Variants in GPC6 observed in about 807,000 individuals in gnomAD.
The protein encoded by GPC6 is glypican-6.
In GPC6, 14 loss-of-function variants were observed where a neutral mutation model predicts 55.2. The ratio of observed to expected loss-of-function variants is 0.25; its 90% CI spans 0.17 to 0.40. The LOEUF is 0.40. GPC6 is among the 10% of genes least tolerant of loss of function. The pLI is 1.00. For synonymous variants in GPC6, 278 were observed against 259.6 expected (o/e 1.07, Z -0.68); for missense variants, 641 against 708.5 (o/e 0.90, Z 1.08).
intron 3 of GPC6, among the ~76,000 whole-genome samples, chr13:93,950,077 T>C (rs1424423011): frequency 1.3e-5 from 2 of 152,128 alleles, no homozygotes; most frequent in African/African-American, 4.8e-5. Context: ...TGTCTGAAAA[T>C]ATTAGAGGTG....
At chr13:93,645,102 G>A (rs1880119078) in intron 2 of GPC6, among the ~76,000 whole-genome samples, 1 of 152,140 alleles carries the variant, frequency 6.6e-6, no homozygotes, top group South Asian at 2.1e-4. Flanking sequence ...TCAGGGAGTG[G>A]AGAAGGGCAT....
At chr13:93,282,634 T>G (rs1215026926) in intron 1 of GPC6, among the ~76,000 whole-genome samples, 2 of 152,220 alleles carry the variant, frequency 1.3e-5, no homozygotes, top group African/African-American at 4.8e-5. Flanking sequence ...ATATTTTAGT[T>G]TTAAAGTTAT....
intron 1 of GPC6, among the ~76,000 whole-genome samples, chr13:93,487,432 G>A (rs1024087370): frequency 6.6e-6 from 1 of 151,980 alleles, no homozygotes; most frequent in Non-Finnish European, 1.5e-5. Flanking sequence ...TTAACATAGC[G>A]CCTGCTAGTA....
intron 1 of GPC6, among the ~76,000 whole-genome samples, chr13:93,443,801 A>G (rs1877894195): frequency 6.6e-6 from 1 of 152,248 alleles, no homozygotes; most frequent in Non-Finnish European, 1.5e-5. Context: ...GGCCTTAATC[A>G]TGATCTAAGG....
At chr13:93,326,565 C>T (rs917248017) in intron 1 of GPC6, among the ~76,000 whole-genome samples, 1 of 152,154 alleles carries the variant, frequency 6.6e-6, no homozygotes, top group Non-Finnish European at 1.5e-5. Flanking sequence ...TGTACATATA[C>T]AAGCACTTAT....
chr13:93,418,199 G>T (rs189114799), intron 1 of GPC6, among the ~76,000 whole-genome samples: 2 of 151,362 alleles, frequency 1.3e-5, no homozygotes, highest in South Asian at 4.2e-4. Context: ...GAGATACTTC[G>T]ATATAGGCAT....
At chr13:93,734,348 C>A (rs1229099340) in intron 2 of GPC6, among the ~76,000 whole-genome samples, 1 of 152,148 alleles carries the variant, frequency 6.6e-6, no homozygotes, top group Non-Finnish European at 1.5e-5. Context: ...GACGTTAGCA[C>A]ATCCCTTAAA....
intron 4 of GPC6, among the ~76,000 whole-genome samples, chr13:94,029,434 G>A (rs1478697550): frequency 6.6e-6 from 1 of 152,102 alleles, no homozygotes; most frequent in East Asian, 1.9e-4. Flanking sequence ...TTGTGGAGGG[G>A]TTATGAATTT....
At chr13:93,706,238 C>G (rs2138801885) in intron 2 of GPC6, among the ~76,000 whole-genome samples, 1 of 151,986 alleles carries the variant, frequency 6.6e-6, no homozygotes, top group East Asian at 2.0e-4. Flanking sequence ...TAGACAACTA[C>G]TTTAAATATT....
intron 1 of GPC6, among the ~76,000 whole-genome samples, chr13:93,488,817 G>T (rs1454044764): frequency 6.6e-6 from 1 of 152,038 alleles, no homozygotes; most frequent in Non-Finnish European, 1.5e-5. Flanking sequence ...TGATGGGGTT[G>T]TTTGTTTTTT....
Position 94,303,765 on chromosome 13 carries a change from CAAAAAA to C in GPC6, c.1009-2200_1009-2195del, listed in dbSNP as rs11300129. Among the ~76,000 whole-genome samples, 5 of 98,286 alleles carry C rather than the reference CAAAAAA, an allele frequency of 5.1e-5. No homozygotes were observed. The East Asian group carries it at 8.1e-4, about 16-fold the overall frequency. 64.5% of individuals were successfully genotyped at this position (98,286 alleles called of 152,430 possible). A position where few individuals can be genotyped will look rare whatever the true frequency, so the allele number is the denominator to read the frequency against. ...ATGTTCTGTAATAATTAACTCCCTC[CAAAAAA>C]AAAAAAAAAAAAAATTCCAGCAAAC... On this transcript the variant is annotated intron_variant, in intron 5 of 8. Coordinates refer to ENST00000377047, the MANE Select transcript of GPC6 (RefSeq NM_005708.5).
chr13:93,577,037 T>G (rs1876700849), intron 2 of GPC6, among the ~76,000 whole-genome samples: 1 of 152,156 alleles, frequency 6.6e-6, no homozygotes, highest in Non-Finnish European at 1.5e-5. Context: ...CATGTTTTTG[T>G]GATGATGCCA....
chr13:94,382,556 G>C lies in GPC6; in HGVS notation c.1289+6G>C. 1 of 1,614,070 alleles carries C rather than the reference G, an allele frequency of 6.2e-7. No individual in the cohort carries two copies. The highest frequency in any genetic ancestry group is 8.5e-7 in the Non-Finnish European group (1 of 1,180,022). On this transcript the variant is annotated splice_donor_region_variant and intron_variant, in intron 7 of 8. Coordinates refer to ENST00000377047, the MANE Select transcript of GPC6 (RefSeq NM_005708.5). ...AACGGGCACAGCAAAGCCAGGTGAG[G>C]GTGACTCGATGTGTGCATGGATGGG...
At chr13:94,022,944 T>C (rs981574527) in intron 3 of GPC6, among the ~76,000 whole-genome samples, 2 of 152,062 alleles carry the variant, frequency 1.3e-5, no homozygotes, top group Non-Finnish European at 2.9e-5. Context: ...CTCAAATAAG[T>C]ATTAAAAATA....
chr13:93,221,098 G>A, the GPC6 span, among the ~76,000 whole-genome samples: 2 of 152,056 alleles, frequency 1.3e-5, no homozygotes, highest in East Asian at 3.9e-4. Flanking sequence ...GCCCAGGCTG[G>A]TCTCAAACTC....
At chr13:93,648,057 AGAG>A (rs1880251997) in intron 2 of GPC6, among the ~76,000 whole-genome samples, 1 of 152,126 alleles carries the variant, frequency 6.6e-6, no homozygotes, top group Non-Finnish European at 1.5e-5. Flanking sequence ...GGATGGCATT[AGAG>A]GAGAAAGATA....
At position 93,450,948 on chromosome 13, in the gene GPC6, G is replaced by A. The variant is rs183537552; in HGVS notation, c.161-94315G>A. On this transcript the variant is annotated intron_variant, in intron 1 of 8. Coordinates refer to ENST00000377047, the MANE Select transcript of GPC6 (RefSeq NM_005708.5). ...AGTCCAGTAAGCCTGAAGGCATCTA[G>A]ACCAGTGAAAAGGTTGTTAAAATAA... 2.1e-3 allele frequency among the ~76,000 whole-genome samples: 316 copies of A among 152,296 alleles called. 3 individuals carry two copies. The highest frequency in any genetic ancestry group is 0.02 in the Middle Eastern group (6 of 294).
At chr13:94,319,342 A>G (rs1876702248) in intron 6 of GPC6, among the ~76,000 whole-genome samples, 1 of 152,186 alleles carries the variant, frequency 6.6e-6, no homozygotes, top group Non-Finnish European at 1.5e-5. Context: ...ATACAAGAGG[A>G]CCTTAGAACA....
chr13:93,754,005 G>C (rs951876317), intron 2 of GPC6, among the ~76,000 whole-genome samples: 1 of 152,174 alleles, frequency 6.6e-6, no homozygotes, highest in African/African-American at 2.4e-5. Flanking sequence ...CACATGTGGA[G>C]ACTGAGTATG....
Sources: allele counts gnomAD v4.1 joint callset (sites outside exome capture counted in the v4.1 genomes callset), GRCh38; gene constraint gnomAD v4.1.1; transcripts MANE v1.5; gene names NCBI Gene and HGNC (gene_info 2026-07-23, HGNC 2026-07-21).